DLGAP1: variants seen among roughly 807,000 people sequenced by gnomAD.
The protein encoded by DLGAP1 is disks large-associated protein 1.
A neutral mutation model predicts 90.8 loss-of-function variants in DLGAP1; 11 were observed. That is an observed-to-expected ratio of 0.12 (90% CI 0.08 to 0.20). The LOEUF (loss-of-function observed/expected upper bound fraction) is 0.20, where lower values mean the gene tolerates loss of function less well. Among genes scored for constraint, DLGAP1 ranks in the 10% least tolerant of loss-of-function variants. DLGAP1 has a pLI of 1.00. For missense variants in DLGAP1, 1,050 were observed against 1,333.8 expected, an observed-to-expected ratio of 0.79 and a Z score of 3.31; for synonymous variants, 558 against 540.7, an observed-to-expected ratio of 1.03 and a Z score of -0.44.
chr18:3,636,536 C>T lies in DLGAP1; in HGVS notation c.1592-54288G>A, dbSNP rs149564465. 5.9e-5 allele frequency among the ~76,000 whole-genome samples: 9 copies of T among 151,478 alleles called. 1 individual carries two copies. Among genetic ancestry groups the T allele is most frequent in the Admixed American group, 2.6e-4 (4 of 15,152 alleles). Reference sequence around the variant, plus strand: ...AAGTGATTCTCCTGCTTCAGCCTCCCGAGGAGCTGGGACTACAGACGCACG... The same window carrying T: ...AAGTGATTCTCCTGCTTCAGCCTCCTGAGGAGCTGGGACTACAGACGCACG... On this transcript the variant is annotated intron_variant, in intron 7 of 12. Coordinates refer to ENST00000315677, the MANE Select transcript of DLGAP1 (RefSeq NM_004746.4).
At chr18:3,976,522 C>A (rs1397359434) in intron 3 of DLGAP1, among the ~76,000 whole-genome samples, 1 of 152,116 alleles carries the variant, frequency 6.6e-6, no homozygotes, top group African/African-American at 2.4e-5. Context: ...TCTCTGTTCC[C>A]TGCATATTTT....
intron 3 of DLGAP1, among the ~76,000 whole-genome samples, chr18:3,941,602 C>T (rs1599192798): frequency 1.3e-5 from 2 of 152,172 alleles, no homozygotes; most frequent in East Asian, 1.9e-4. Flanking sequence ...AGAGAAATAT[C>T]TTCTTTATCC....
At chr18:4,409,857 G>A (rs549957419) in intron 1 of DLGAP1, among the ~76,000 whole-genome samples, 2 of 151,954 alleles carry the variant, frequency 1.3e-5, no homozygotes, top group African/African-American at 2.4e-5. Context: ...ACTTGCACAC[G>A]CAAGTTTGTA....
At chr18:3,587,356 G>A (rs1437164336) in intron 7 of DLGAP1, among the ~76,000 whole-genome samples, 1 of 152,108 alleles carries the variant, frequency 6.6e-6, no homozygotes, top group East Asian at 1.9e-4. Flanking sequence ...CTCCCTGCAA[G>A]AATTGAGAGG....
intron 1 of DLGAP1, among the ~76,000 whole-genome samples, chr18:4,259,912 A>G (rs2145254871): frequency 6.6e-6 from 1 of 152,244 alleles, no homozygotes; most frequent in South Asian, 2.1e-4. Flanking sequence ...TTATTATTCT[A>G]TTTTATGCAT....
intron 2 of DLGAP1, among the ~76,000 whole-genome samples, chr18:4,054,863 T>C (rs2075189837): frequency 6.6e-6 from 1 of 152,246 alleles, no homozygotes; most frequent in Non-Finnish European, 1.5e-5. Context: ...AGAAAATGCA[T>C]GCTCCTAGAA....
At chr18:3,794,494 G>A (rs1234840011) in intron 5 of DLGAP1, among the ~76,000 whole-genome samples, 1 of 152,178 alleles carries the variant, frequency 6.6e-6, no homozygotes, top group African/African-American at 2.4e-5. Flanking sequence ...ACCTGGAAAG[G>A]GTCCCGTGGA....
At chr18:3,695,512 T>C (rs1378619269) in intron 7 of DLGAP1, among the ~76,000 whole-genome samples, 1 of 152,328 alleles carries the variant, frequency 6.6e-6, no homozygotes, top group East Asian at 1.9e-4. Flanking sequence ...CAGATGGTTA[T>C]AGATGTGTGG....
chr18:4,431,464 C>T (rs1478265052), intron 1 of DLGAP1, among the ~76,000 whole-genome samples: 2 of 152,070 alleles, frequency 1.3e-5, no homozygotes, highest in Admixed American at 1.3e-4. Flanking sequence ...ATGAAAATAT[C>T]CTGCAGATAA....
intron 3 of DLGAP1, among the ~76,000 whole-genome samples, chr18:3,899,419 G>A (rs2071734166): frequency 6.6e-6 from 1 of 152,230 alleles, no homozygotes; most frequent in African/African-American, 2.4e-5. Flanking sequence ...TGGCCAGAAT[G>A]AGTGGTACCT....
intron 1 of DLGAP1, among the ~76,000 whole-genome samples, chr18:4,173,023 G>C (rs751416029): frequency 5.9e-5 from 9 of 152,136 alleles, no homozygotes; most frequent in Admixed American, 2.6e-4. Flanking sequence ...TATGATAGAA[G>C]GTTTTCCACA....
chr18:4,141,465 G>A lies in DLGAP1; in HGVS notation c.-159+9715C>T, dbSNP rs117356040. ...TTTACATGACATCATTCCATGTCATGTAGCCTCTGGAAAACTCCACTAGGT... is the reference window on the plus strand; with the variant it reads ...TTTACATGACATCATTCCATGTCATATAGCCTCTGGAAAACTCCACTAGGT... On this transcript the variant is annotated intron_variant, in intron 2 of 12. Transcript: ENST00000315677. Among the ~76,000 whole-genome samples, 125 of 152,064 alleles carry A rather than the reference G, an allele frequency of 8.2e-4. 1 individual carries two copies. Among genetic ancestry groups the A allele is most frequent in the Non-Finnish European group, 1.4e-3 (98 of 67,884 alleles).
intron 1 of DLGAP1, among the ~76,000 whole-genome samples, chr18:4,227,320 A>G (rs2078212404): frequency 6.6e-6 from 1 of 151,966 alleles, no homozygotes; most frequent in Admixed American, 6.6e-5. Flanking sequence ...TCAACAAAAC[A>G]TTGGACTTAA....
chr18:3,924,022 C>A (rs142868436), intron 3 of DLGAP1, among the ~76,000 whole-genome samples: 55 of 152,316 alleles, frequency 3.6e-4, no homozygotes, highest in Non-Finnish European at 6.9e-4. Flanking sequence ...TTTGAGAGTT[C>A]AGCCACATGT....
intron 1 of DLGAP1, among the ~76,000 whole-genome samples, chr18:4,348,692 T>C (rs1490326131): frequency 6.6e-6 from 1 of 152,072 alleles, no homozygotes; most frequent in Non-Finnish European, 1.5e-5. Context: ...CAAGATCTTG[T>C]AGTGCCACAG....
At chr18:3,543,702 A>G (rs1045643808) in intron 9 of DLGAP1, among the ~76,000 whole-genome samples, 14 of 152,200 alleles carry the variant, frequency 9.2e-5, no homozygotes, top group African/African-American at 3.4e-4. Flanking sequence ...GACAATGAAG[A>G]ACAGTGATCA....
At chr18:3,730,255 C>T (rs1419396377) in intron 6 of DLGAP1, among the ~76,000 whole-genome samples, 4 of 150,376 alleles carry the variant, frequency 2.7e-5, no homozygotes, top group Non-Finnish European at 4.4e-5. Flanking sequence ...CTTGTCTCAA[C>T]AAACAAACAA....
intron 1 of DLGAP1, among the ~76,000 whole-genome samples, chr18:4,415,973 G>A (rs1221631152): frequency 2.0e-5 from 3 of 152,008 alleles, no homozygotes; most frequent in African/African-American, 7.3e-5. Flanking sequence ...TCATTTGATC[G>A]CTTTGAGGTT....
intron 8 of DLGAP1, among the ~76,000 whole-genome samples, chr18:3,575,605 C>T (rs1347448798): frequency 1.3e-5 from 2 of 152,150 alleles, no homozygotes; most frequent in African/African-American, 2.4e-5. Flanking sequence ...GGGGAAATCT[C>T]ATATTTTGCT....
Sources: allele counts gnomAD v4.1 joint callset (sites outside exome capture counted in the v4.1 genomes callset), GRCh38; gene constraint gnomAD v4.1.1; transcripts MANE v1.5; gene names NCBI Gene and HGNC (gene_info 2026-07-23, HGNC 2026-07-21).